Variants in ISLR2 observed in about 807,000 individuals in gnomAD.
ISLR2 encodes immunoglobulin superfamily containing leucine-rich repeat protein 2.
A neutral mutation model predicts 25.5 loss-of-function variants in ISLR2; 16 were observed. That is an observed-to-expected ratio of 0.63 (90% CI 0.43 to 0.95). ISLR2 has a LOEUF of 0.95. Among genes scored for constraint, ISLR2 ranks in the 40% least tolerant of loss-of-function variants. ISLR2 has a pLI of 0.00. For synonymous variants in ISLR2, 508 were observed against 486.6 expected (o/e 1.04, Z -0.58); for missense variants, 883 against 1,030.7 (o/e 0.86, Z 1.96).
rs2072570778 is a variant in ISLR2 at position 74,136,596 on chromosome 15, G to A, written c.*1604G>A. On this transcript the variant is annotated 3_prime_UTR_variant, in exon 3 of 3. Coordinates refer to ENST00000453268, the MANE Select transcript of ISLR2 (RefSeq NM_020851.3). ...ATGGGCGGGGAGGGAGGGAAGGGGA[G>A]GGGCGCGGCGCGGCGACTCGGGGCG... 1 of 155,314 alleles carries A rather than the reference G, an allele frequency of 6.4e-6. No individual in the cohort carries two copies. The allele number at this position is 155,314 out of a possible 1,614,324, so 9.6% of individuals were successfully genotyped here.
At chr15:74,140,509 G>A (rs1018481098), downstream of ISLR2, among the ~76,000 whole-genome samples, 1 of 152,216 alleles carries the variant, frequency 6.6e-6, no homozygotes, top group Non-Finnish European at 1.5e-5. Context: ...AACAGGAGGT[G>A]TCGCCTGCAA....
chr15:74,129,122 C>T (rs1337813900), upstream of ISLR2: 1 of 451,350 alleles, frequency 2.2e-6, no homozygotes, highest in African/African-American at 2.0e-5. This position sits in a 1 kb window ranked among gnomAD's most constrained non-coding sequence, Gnocchi z 4.5. Flanking sequence ...CAGGCCCGAG[C>T]AGGCGGTGTG....
In ISLR2 at chr15:74,133,433, G is replaced by C; in HGVS notation, c.679G>C (p.Ala227Pro). Residue 227 changes from alanine to proline, a missense_variant, in exon 3 of 3, where the codon GCC (alanine) becomes CCC (proline). Transcript: ENST00000453268. ...LQGVPVYRLPALPCAPPSVHL... is the reference protein window; with the variant it reads ...LQGVPVYRLPPLPCAPPSVHL... ...GGGGGTGCCGGTGTACCGCCTGCCC[G>C]CCCTGCCCTGTGCACCGCCCAGCGT... is the stretch of plus-strand genomic sequence containing the variant. 1 of 1,608,784 alleles carries C rather than the reference G, an allele frequency of 6.2e-7. No homozygotes were observed. The highest frequency in any genetic ancestry group is 8.5e-7 in the Non-Finnish European group (1 of 1,179,586).
rs1355415557 is a variant in ISLR2, at chr15:74,135,024, C to T, written c.*32C>T. The T allele has an allele frequency of 1.1e-5, 18 of 1,597,740 alleles. No individual in the cohort carries two copies. Among genetic ancestry groups the T allele is most frequent in the Non-Finnish European group, 1.5e-5 (18 of 1,171,160 alleles). ...GCCCGTCCGGCCCGCCCATTCCCGA[C>T]CTCCACCTAGGGTGCCTGGGAGCAG... is the stretch of plus-strand genomic sequence containing the variant. On this transcript the variant is annotated 3_prime_UTR_variant, in exon 3 of 3. Transcript: ENST00000453268.
chr15:74,128,455 C>T (rs79925446), upstream of ISLR2: 3,142 of 456,628 alleles, frequency 6.9e-3, 54 homozygotes, highest in African/African-American at 0.045. Flanking sequence ...GTCTCCCTGC[C>T]GAACTCCTTG....
At position 74,132,882 on chromosome 15, in the gene ISLR2, G is replaced by C. The variant is rs985046840; in HGVS notation, c.128G>C (p.Arg43Pro). The stretch of plus-strand genomic sequence containing the variant: ...GCGGACTGCGCTTACAAAGAGTTGC[G>C]TGAGGTGCCGGAAGGACTGCCTGCC... ...QFADCAYKEL[R>P]EVPEGLPANV... The change falls in exon 3 of 3, where the codon CGT (arginine) becomes CCT (proline). Residue 43 changes from arginine (R) to proline (P), a missense_variant. By Grantham distance (103) the Arg-to-Pro change is moderately radical. This residue lies in a region of ISLR2 where 271 missense variants were observed against 387.9 expected (regional missense o/e 0.70). Transcript: ENST00000453268. The surrounding 1 kb of genome is among the most constrained non-coding windows in gnomAD (Gnocchi z 4.3). 10 of 1,614,008 alleles carry C rather than the reference G, an allele frequency of 6.2e-6. No individual in the cohort carries two copies. The highest frequency in any genetic ancestry group is 2.2e-5 in the East Asian group (1 of 44,890).
upstream of ISLR2, chr15:74,127,308 A>G (rs1432934378): frequency 1.3e-5 from 2 of 151,808 alleles, no homozygotes; most frequent in Non-Finnish European, 2.9e-5. Flanking sequence ...TTTTTTCCAG[A>G]TCTCAGACAT....
rs2072101312 is a variant in ISLR2 at position 74,104,094 on chromosome 15, T to TG, written n.228+180_228+181insG. 2.0e-5 allele frequency among the ~76,000 whole-genome samples: 3 copies of TG among 152,276 alleles called. No individual in the cohort carries two copies. The East Asian group carries it at 5.8e-4, about 29-fold the overall frequency. ...TACTACTATACTTTGATGCTAGAGG[T>TG]ATTCCCATTAAGGTCAGGAGCAGTA... On this transcript the variant is annotated intron_variant and non_coding_transcript_variant, in intron 2 of 3. Coordinates refer to the ISLR2 transcript ENST00000561975.
At chr15:74,118,645 T>TATC (rs10665952) in intron 2 of ISLR2, among the ~76,000 whole-genome samples, 1 of 32,396 alleles carries the variant, frequency 3.1e-5, no homozygotes, top group African/African-American at 5.3e-5. Context: ...AATCTGAAGC[T>TATC]ATTATTATTA....
At chr15:74,138,936 A>G (rs2141970041), downstream of ISLR2, among the ~76,000 whole-genome samples, 1 of 152,194 alleles carries the variant, frequency 6.6e-6, no homozygotes, top group South Asian at 2.1e-4. Flanking sequence ...TGGGCCAGTG[A>G]GTGCTCAGCA....
intron 2 of ISLR2, among the ~76,000 whole-genome samples, chr15:74,114,852 A>G (rs2072198826): frequency 6.6e-6 from 1 of 152,140 alleles, no homozygotes; most frequent in African/African-American, 2.4e-5. Flanking sequence ...GCTCCAATGC[A>G]GGGAGGGAAA....
At chr15:74,137,085 A>ACT (rs2072577609), downstream of ISLR2, among the ~76,000 whole-genome samples, 4 of 152,150 alleles carry the variant, frequency 2.6e-5, no homozygotes, top group African/African-American at 9.7e-5. Context: ...CCCTGAACAC[A>ACT]GGGAGTCTGA....
Position 74,132,660 on chromosome 15 carries a change from G to A in ISLR2, c.-8-87G>A. On this transcript the variant is annotated intron_variant, in intron 2 of 2. Transcript: ENST00000453268. The surrounding 1 kb of genome is among the most constrained non-coding windows in gnomAD (Gnocchi z 4.3). ...GGAGCCCTGGAACTAGTGCTAAACG[G>A]GCTTGCGGAGGCACAGCTTGATAGG... 2 of 1,490,024 alleles carry A rather than the reference G, an allele frequency of 1.3e-6. No homozygotes were observed. Among genetic ancestry groups the A allele is most frequent in the Non-Finnish European group, 1.8e-6 (2 of 1,119,038 alleles). 92.3% of individuals were successfully genotyped at this position (1,490,024 alleles called of 1,614,324 possible).
downstream of ISLR2, among the ~76,000 whole-genome samples, chr15:74,140,616 C>T (rs1250577556): frequency 6.6e-6 from 1 of 152,182 alleles, no homozygotes; most frequent in Admixed American, 6.5e-5. Context: ...AAAGCCAAGC[C>T]CTAGTACCAG....
intron 2 of ISLR2, among the ~76,000 whole-genome samples, chr15:74,108,639 C>T (rs901717366): frequency 9.2e-5 from 14 of 152,218 alleles, no homozygotes; most frequent in African/African-American, 3.4e-4. Flanking sequence ...GGATTCATTC[C>T]AATCATCCAT....
intron 2 of ISLR2, among the ~76,000 whole-genome samples, chr15:74,104,985 A>G (rs2141925096): frequency 1.4e-5 from 1 of 69,298 alleles, no homozygotes; most frequent in Non-Finnish European, 2.8e-5. Context: ...ATAACCAGTT[A>G]TAAAAGTATC....
Position 74,133,903 on chromosome 15 carries a change from C to A in ISLR2, c.1149C>A (p.Gly383=), listed in dbSNP as rs1429954975. ...CCGGGCCCCCAAAACACGCGCCTGG[C>A]GCCGGGGGAGAACCCGACGGACAGG... ...AATGPPKHAP[G]AGGEPDGQAP... Residue 383 remains glycine, a synonymous_variant, in exon 3 of 3, where the codon GGC becomes GGA. Coordinates refer to ENST00000453268, the MANE Select transcript of ISLR2 (RefSeq NM_020851.3). The A allele has an allele frequency of 4.4e-6, 7 of 1,605,404 alleles. No individual in the cohort carries two copies. Among genetic ancestry groups the A allele is most frequent in the East Asian group, 2.2e-5 (1 of 44,546 alleles).
Position 74,134,629 on chromosome 15 carries a change from C to CCGTCTGATCCTGCGGCCTCAGG in ISLR2, c.1877_1898dup (p.Pro634SerfsTer9). ...TGGCTAAACACCCGGGCAAGCCCTACCGTCTGATCCTGCGGCCTCAGGCCC... is the reference window on the plus strand; with the variant it reads ...TGGCTAAACACCCGGGCAAGCCCTACCGTCTGATCCTGCGGCCTCAGGCGTCTGATCCTGCGGCCTCAGGCCC... On this transcript the variant is annotated frameshift_variant, in exon 3 of 3. Coordinates refer to ENST00000453268, the MANE Select transcript of ISLR2 (RefSeq NM_020851.3). LOFTEE classifies it high-confidence loss of function. The CCGTCTGATCCTGCGGCCTCAGG allele has an allele frequency of 6.2e-7, 1 of 1,614,116 alleles. No homozygotes were observed. Among genetic ancestry groups the CCGTCTGATCCTGCGGCCTCAGG allele is most frequent in the Non-Finnish European group, 8.5e-7 (1 of 1,180,022 alleles).
At chr15:74,112,331 T>A (rs2072174381) in intron 2 of ISLR2, among the ~76,000 whole-genome samples, 1 of 152,128 alleles carries the variant, frequency 6.6e-6, no homozygotes, top group Non-Finnish European at 1.5e-5. Flanking sequence ...AAATTTAGAT[T>A]TCTGATAACA....
Sources: gnomAD v4.1 joint callset for allele counts (sites outside exome capture counted in the v4.1 genomes callset) on GRCh38, gnomAD v4.1.1 for gene constraint, gnomAD v4.1.1 regional missense constraint, Gnocchi (gnomAD v3.1) non-coding constraint, MANE v1.5 for transcripts, NCBI Gene and HGNC (gene_info 2026-07-23, HGNC 2026-07-21) for gene names.